PNMA8A: variants seen among roughly 807,000 people sequenced by gnomAD.
PNMA8A encodes paraneoplastic antigen-like protein 8A.
PNMA8A carries 17 observed loss-of-function variants against 26.6 expected under a neutral mutation model. That is an observed-to-expected ratio of 0.64 (90% CI 0.44 to 0.96). The LOEUF (loss-of-function observed/expected upper bound fraction) is 0.96, where lower values mean the gene tolerates loss of function less well. PNMA8A is among the 40% of genes least tolerant of loss of function. The pLI, the probability that PNMA8A is intolerant of heterozygous loss-of-function variation, is 0.00. For missense variants in PNMA8A, 532 were observed against 488.4 expected (o/e 1.09, Z -0.84); for synonymous variants, 224 against 182.0 (o/e 1.23, Z -1.86).
At position 46,470,242 on chromosome 19, in the gene PNMA8A, G is replaced by C. The variant is rs758220864; in HGVS notation, c.794C>G (p.Ser265Cys). The part of the protein sequence containing the change: ...VPWKKPKGIN[S>C]NSTANLEDPE... Reference sequence around the variant, plus strand: ...ATCCTCCAAGTTAGCTGTGCTGTTGGAATTGATGCCTTTGGGTTTTTTCCA... The same window carrying C: ...ATCCTCCAAGTTAGCTGTGCTGTTGCAATTGATGCCTTTGGGTTTTTTCCA... Residue 265 changes from serine to cysteine, a missense_variant, in exon 2 of 3, where the codon TCC (serine) becomes TGC (cysteine). Transcript: ENST00000313683. 1 of 1,614,104 alleles carries C rather than the reference G, an allele frequency of 6.2e-7. No individual in the cohort carries two copies. Among genetic ancestry groups the C allele is most frequent in the Non-Finnish European group, 8.5e-7 (1 of 1,180,048 alleles).
chr19:46,471,289 A>G (rs8103543), intron 1 of PNMA8A, 48 bp downstream of exon 1: 368,492 of 379,568 alleles, frequency 0.97, 178,917 homozygotes, highest in East Asian at 1. Flanking sequence ...AAAAGGCCCT[A>G]GGACCCTCCC....
intron 2 of PNMA8A, among the ~76,000 whole-genome samples, chr19:46,469,289 T>C (rs886936235): frequency 2.0e-5 from 3 of 151,664 alleles, no homozygotes; most frequent in Non-Finnish European, 1.5e-5. Flanking sequence ...TTTGTATTTT[T>C]AGTAGAGACG....
intron 1 of PNMA8A, 67 bp from the exon 2 acceptor site, chr19:46,471,181 C>A: frequency 1.7e-6 from 1 of 574,708 alleles, no homozygotes; most frequent in Non-Finnish European, 3.1e-6. Flanking sequence ...ATCCTAGCTG[C>A]CCCCTCCGCG....
chr19:46,471,182 C>G, intron 1 of PNMA8A, 68 bp from the exon 2 acceptor site: 1 of 573,674 alleles, frequency 1.7e-6, no homozygotes, highest in South Asian at 2.4e-5. Context: ...TCCTAGCTGC[C>G]CCCTCCGCGG....
At chr19:46,471,213 C>A in intron 1 of PNMA8A, 99 bp from the exon 2 acceptor site, 3 of 549,984 alleles carry the variant, frequency 5.5e-6, no homozygotes, top group Admixed American at 3.2e-5. Flanking sequence ...GGAGGCCTGG[C>A]GCTTTCCCAA....
rs1474651915 is a variant in PNMA8A at position 46,468,039 on chromosome 19, G to A, written c.*522C>T. 6.5e-6 allele frequency: 1 copy of A among 153,374 alleles called. No homozygotes were observed. The highest frequency in any genetic ancestry group is 1.5e-5 in the Non-Finnish European group (1 of 68,890). 9.5% of individuals were successfully genotyped at this position (153,374 alleles called of 1,614,324 possible). A position where few individuals can be genotyped will look rare whatever the true frequency, so the allele number is the denominator to read the frequency against. ...AGATAACTGGAGGATGGAAGCTGGA[G>A]ACTGAAGGAGCAATAAAACCAGGTT... On this transcript the variant is annotated 3_prime_UTR_variant, in exon 3 of 3. Coordinates refer to ENST00000313683, the MANE Select transcript of PNMA8A (RefSeq NM_018215.4).
In PNMA8A at chr19:46,471,104, A is replaced by G. The variant is rs1353755549; in HGVS notation, c.-69T>C. 6 of 672,574 alleles carry G rather than the reference A, an allele frequency of 8.9e-6. No individual in the cohort carries two copies. Among genetic ancestry groups the G allele is most frequent in the African/African-American group, 5.3e-5 (3 of 56,090 alleles). 41.7% of individuals were successfully genotyped at this position (672,574 alleles called of 1,614,324 possible). A position where few individuals can be genotyped will look rare whatever the true frequency, so the allele number is the denominator to read the frequency against. On this transcript the variant is annotated 5_prime_UTR_variant, in exon 2 of 3. Coordinates refer to ENST00000313683, the MANE Select transcript of PNMA8A (RefSeq NM_018215.4). ...GTGGACGTGGGCTGCAGCGGTCTCC[A>G]AACAGTAATCCTGCAAGGTGACAAG...
In PNMA8A at chr19:46,470,639, G is replaced by A. The variant is rs778759251; in HGVS notation, c.397C>T (p.Pro133Ser). ...DVVRLLQLNH[P>S]TLSQNQHQPP... is the part of the protein sequence containing the mutation. ...TGATGCTGGTTCTGGGACAGGGTGG[G>A]GTGGTTGAGCTGGAGCAGGCGGACC... Residue 133 changes from proline (P) to serine (S), a missense_variant, in exon 2 of 3, where the codon CCC becomes TCC. Pro to Ser is a moderately conservative substitution (Grantham distance 74). Coordinates refer to ENST00000313683, the MANE Select transcript of PNMA8A (RefSeq NM_018215.4). 7.6e-6 allele frequency: 12 copies of A among 1,579,706 alleles called. No homozygotes were observed. Among genetic ancestry groups the A allele is most frequent in the Non-Finnish European group, 1.0e-5 (12 of 1,148,644 alleles).
In PNMA8A at chr19:46,471,486, C is replaced by G. The variant is rs553598110; in HGVS notation, c.-229G>C. On this transcript the variant is annotated 5_prime_UTR_variant, in exon 1 of 3. Transcript: ENST00000313683. ...CCGTCCGCCCCCGCTCCGGCCCAGG[C>G]GGGTCACGGGGCGTCCAGACTCGAT... 2 of 154,458 alleles carry G rather than the reference C, an allele frequency of 1.3e-5. No individual in the cohort carries two copies. Among genetic ancestry groups the G allele is most frequent in the African/African-American group, 2.4e-5 (1 of 41,648 alleles). The allele number at this position is 154,458 out of a possible 1,614,324, so 9.6% of individuals were successfully genotyped here.
Position 46,467,958 on chromosome 19 carries a change from T to C in PNMA8A, c.*603A>G, listed in dbSNP as rs1969730473. On this transcript the variant is annotated 3_prime_UTR_variant, in exon 3 of 3. Transcript: ENST00000313683. ...AACAGACTCTAAAACTCAAAGACTT[T>C]GAGGTCTAGGCAGACATTCTTTTTC... The C allele has an allele frequency of 6.6e-6, 1 of 151,910 alleles. No individual in the cohort carries two copies. The highest frequency in any genetic ancestry group is 1.5e-5 in the Non-Finnish European group (1 of 67,982). 9.4% of individuals were successfully genotyped at this position (151,910 alleles called of 1,614,324 possible). A position where few individuals can be genotyped will look rare whatever the true frequency, so the allele number is the denominator to read the frequency against.
At chr19:46,468,891 C>T (rs1041801161) in intron 2 of PNMA8A, among the ~76,000 whole-genome samples, 7 of 152,062 alleles carry the variant, frequency 4.6e-5, no homozygotes, top group African/African-American at 1.7e-4. Context: ...TTCCAGGAGC[C>T]CCTGAAGGCC....
Position 46,468,446 on chromosome 19 carries a change from T to C in PNMA8A, c.*115A>G. On this transcript the variant is annotated 3_prime_UTR_variant, in exon 3 of 3. Transcript: ENST00000313683. ...ATCGTTTACCTCAGGGCCAGATCTCTATCAACAGGGGCCCTAAGAGAGTCC... is the reference window on the plus strand; with the variant it reads ...ATCGTTTACCTCAGGGCCAGATCTCCATCAACAGGGGCCCTAAGAGAGTCC... The C allele has an allele frequency of 4.4e-6, 4 of 917,038 alleles. No individual in the cohort carries two copies. The highest frequency in any genetic ancestry group is 7.1e-6 in the Non-Finnish European group (4 of 565,232). The allele number at this position is 917,038 out of a possible 1,614,324, so 56.8% of individuals were successfully genotyped here. A position where few individuals can be genotyped will look rare whatever the true frequency, so the allele number is the denominator to read the frequency against.
At position 46,469,831 on chromosome 19, in the gene PNMA8A, T is replaced by G. The variant is rs140483234; in HGVS notation, c.1205A>C (p.Gln402Pro). The part of the protein sequence containing the change: ...GPGSRREASD[Q>P]KAPRGQQPAE... Reference sequence around the variant, plus strand: ...AGGCTGCTGGCCCCGAGGGGCCTTCTGATCTGATGCCTCCCTTCTTGAGCC... The same window carrying G: ...AGGCTGCTGGCCCCGAGGGGCCTTCGGATCTGATGCCTCCCTTCTTGAGCC... Residue 402 changes from glutamine to proline, a missense_variant, in exon 2 of 3, where the codon CAG becomes CCG. Gln to Pro is a moderately conservative substitution (Grantham distance 76). Transcript: ENST00000313683. 1.2e-6 allele frequency: 2 copies of G among 1,614,144 alleles called. No homozygotes were observed. The highest frequency in any genetic ancestry group is 1.7e-6 in the Non-Finnish European group (2 of 1,180,042).
Position 46,468,286 on chromosome 19 carries a change from C to T in PNMA8A, c.*275G>A, listed in dbSNP as rs1969735462. On this transcript the variant is annotated 3_prime_UTR_variant, in exon 3 of 3. Transcript: ENST00000313683. ...GGGGAATGAATGTTCTAGAATTTTC[C>T]CAATCCTCTTACCAACTCTCCTGCC... 2.1e-6 allele frequency: 1 copy of T among 467,136 alleles called. No individual in the cohort carries two copies. Among genetic ancestry groups the T allele is most frequent in the Non-Finnish European group, 3.8e-6 (1 of 261,664 alleles). 28.9% of individuals were successfully genotyped at this position (467,136 alleles called of 1,614,324 possible).
intron 2 of PNMA8A, among the ~76,000 whole-genome samples, chr19:46,469,190 C>T (rs1969748558): frequency 6.7e-6 from 1 of 149,854 alleles, no homozygotes; most frequent in Admixed American, 6.7e-5. Flanking sequence ...CTCACTGCAA[C>T]CTCCACCTCC....
chr19:46,470,211 C>T lies in PNMA8A; in HGVS notation c.825G>A (p.Glu275=), dbSNP rs1211172958. 2 of 1,614,084 alleles carry T rather than the reference C, an allele frequency of 1.2e-6. No homozygotes were observed. Among genetic ancestry groups the T allele is most frequent in the East Asian group, 2.2e-5 (1 of 44,900 alleles). Residue 275 remains glutamate, a synonymous_variant, in exon 2 of 3, where the codon GAG becomes GAA. Transcript: ENST00000313683. ...TCGCCATGCTTTCAGCATCACCCAC[C>T]TCAGGATCCTCCAAGTTAGCTGTGC... ...SNSTANLEDP[E]VGDAESMAIS...
chr19:46,469,937 C>T lies in PNMA8A; in HGVS notation c.1099G>A (p.Val367Met). 1 of 1,614,050 alleles carries T rather than the reference C, an allele frequency of 6.2e-7. No individual in the cohort carries two copies. Among genetic ancestry groups the T allele is most frequent in the Non-Finnish European group, 8.5e-7 (1 of 1,179,978 alleles). The change falls in exon 2 of 3, where the codon GTG becomes ATG. Residue 367 changes from valine to methionine, a missense_variant. Transcript: ENST00000313683. ...ACGTAGGAGACAGGGCCCAAGCTCA[C>T]CTTCTTCTTCTTCCTCATGGGAGCG... is the stretch of plus-strand genomic sequence containing the variant. ...NPAPMRKKKKVSLGPVSYVLV... is the reference protein window; with the variant it reads ...NPAPMRKKKKMSLGPVSYVLV...
Position 46,471,005 on chromosome 19 carries a change from C to T in PNMA8A, c.31G>A (p.Glu11Lys), listed in dbSNP as rs199688569. 1.3e-6 allele frequency: 1 copy of T among 776,456 alleles called. No homozygotes were observed. The highest frequency in any genetic ancestry group is 2.4e-6 in the Non-Finnish European group (1 of 415,126). The allele number at this position is 776,456 out of a possible 1,614,324, so 48.1% of individuals were successfully genotyped here. The change falls in exon 2 of 3, where the codon GAG becomes AAG. Residue 11 changes from glutamate to lysine, a missense_variant. Physicochemically the swap from Glu to Lys is moderately conservative, Grantham distance 56. Coordinates refer to ENST00000313683, the MANE Select transcript of PNMA8A (RefSeq NM_018215.4). MSKTMAMNLLEDWCRGMEVDI... is the reference protein window; with the variant it reads MSKTMAMNLLKDWCRGMEVDI... Reference sequence around the variant, plus strand: ...ACTTCCATTCCCCTGCACCAATCCTCCAGAAGGTTCATCGCCATGGTCTTG... The same window carrying T: ...ACTTCCATTCCCCTGCACCAATCCTTCAGAAGGTTCATCGCCATGGTCTTG...
At position 46,470,320 on chromosome 19, in the gene PNMA8A, G is replaced by A; in HGVS notation, c.716C>T (p.Ser239Phe). 8 of 1,613,892 alleles carry A rather than the reference G, an allele frequency of 5.0e-6. No individual in the cohort carries two copies. The highest frequency in any genetic ancestry group is 5.9e-6 in the Non-Finnish European group (7 of 1,180,040). The change falls in exon 2 of 3, where the codon TCT becomes TTT. Residue 239 changes from serine to phenylalanine, a missense_variant. By Grantham distance (155) the Ser-to-Phe change is radical. Coordinates refer to ENST00000313683, the MANE Select transcript of PNMA8A (RefSeq NM_018215.4). ...KPLVRRAGAK[S>F]RSRRKKQKKN... The stretch of plus-strand genomic sequence containing the variant: ...CTTCTGCTTCTTTCTCCTGGAGCGA[G>A]ACTTAGCTCCAGCCCTGCGAACCAA...
Sources: allele counts gnomAD v4.1 joint callset (sites outside exome capture counted in the v4.1 genomes callset), GRCh38; gene constraint gnomAD v4.1.1; transcripts MANE v1.5; gene names NCBI Gene and HGNC (gene_info 2026-07-23, HGNC 2026-07-21).